The following CCDC6 variants were observed in gnomAD, a reference collection of about 807,000 sequenced individuals.
CCDC6 encodes the protein coiled-coil domain-containing protein 6.
In CCDC6, 20 loss-of-function variants were observed where a neutral mutation model predicts 56.6. The ratio of observed to expected loss-of-function variants is 0.35; its 90% CI spans 0.25 to 0.51. CCDC6 has a LOEUF of 0.51. Among genes scored for constraint, CCDC6 ranks in the 20% least tolerant of loss-of-function variants. The pLI, the probability that CCDC6 is intolerant of heterozygous loss-of-function variation, is 0.95. For missense variants in CCDC6, 367 were observed against 601.1 expected, an observed-to-expected ratio of 0.61 and a Z score of 4.07; for synonymous variants, 241 against 234.4, an observed-to-expected ratio of 1.03 and a Z score of -0.26.
At chr10:59,796,012 A>T (rs1217315706) in intron 7 of CCDC6, among the ~76,000 whole-genome samples, 6 of 152,212 alleles carry the variant, frequency 3.9e-5, no homozygotes, top group Admixed American at 3.9e-4. Flanking sequence ...TGGCTGGGTC[A>T]AATGGTATTT....
intron 3 of CCDC6, among the ~76,000 whole-genome samples, chr10:59,830,814 C>G (rs965971630): frequency 2.6e-5 from 4 of 152,212 alleles, no homozygotes; most frequent in Admixed American, 2.0e-4. Flanking sequence ...CTACCTCCCC[C>G]TTGTGGCCAT....
chr10:59,876,005 A>C (rs2071275563), intron 1 of CCDC6, among the ~76,000 whole-genome samples: 2 of 150,406 alleles, frequency 1.3e-5, no homozygotes, highest in African/African-American at 4.9e-5. Flanking sequence ...AAAAAATCTT[A>C]ATAAATTCGC....
chr10:59,807,029 T>C lies in CCDC6; in HGVS notation c.897A>G (p.Glu299=), dbSNP rs1354247785. 1 of 1,613,930 alleles carries C rather than the reference T, an allele frequency of 6.2e-7. No individual in the cohort carries two copies. Among genetic ancestry groups the C allele is most frequent in the Non-Finnish European group, 8.5e-7 (1 of 1,179,938 alleles). ...QYLEEERHMR[E]ENLRLQRKLQ... is the part of the protein sequence containing the mutation. ...GCTTCCTCTGGAGCCTCAAGTTCTC[T>C]TCTCTCATGTGACGTTCCTCCTCCA... Residue 299 remains glutamate (E), a synonymous_variant, in exon 6 of 9, where the codon GAA becomes GAG. Transcript: ENST00000263102.
intron 5 of CCDC6, among the ~76,000 whole-genome samples, chr10:59,808,245 A>T (rs1158047606): frequency 3.9e-5 from 6 of 152,128 alleles, no homozygotes; most frequent in African/African-American, 1.4e-4. Context: ...CTCTCCCAGG[A>T]ATCTGAAATG....
intron 1 of CCDC6, among the ~76,000 whole-genome samples, chr10:59,874,089 C>T (rs2071256415): frequency 6.7e-6 from 1 of 149,436 alleles, no homozygotes; most frequent in South Asian, 2.1e-4. Context: ...GAAGCGTAGA[C>T]ATTCATTTCC....
At chr10:59,793,196 T>C in intron 8 of CCDC6, 85 bp from the exon 9 acceptor site, 1 of 1,057,294 alleles carries the variant, frequency 9.5e-7, no homozygotes, top group Non-Finnish European at 1.4e-6. Context: ...GCACTGGGGC[T>C]AATCAAACAC....
At chr10:59,805,691 G>A (rs2070615874) in intron 6 of CCDC6, 1 of 152,064 alleles carries the variant, frequency 6.6e-6, no homozygotes, top group East Asian at 1.9e-4. Flanking sequence ...AGTTTTATAA[G>A]GCAAAGTTTT....
chr10:59,806,242 C>T (rs10509112), intron 6 of CCDC6, among the ~76,000 whole-genome samples: 62,460 of 151,976 alleles, frequency 0.41, 12,965 homozygotes, highest in South Asian at 0.45. Flanking sequence ...ACTACCTTAT[C>T]CCGAATTTAG....
In CCDC6 at chr10:59,892,627, G is replaced by A. The variant is rs551738270; in HGVS notation, c.303+13495C>T. On this transcript the variant is annotated intron_variant, in intron 1 of 8. Coordinates refer to ENST00000263102, the MANE Select transcript of CCDC6 (RefSeq NM_005436.5). ...TTTGGAGGACAATAGAAGGGGGTGG[G>A]GAAGTACTAATAATAGTTAATATCA... Among the ~76,000 whole-genome samples, 173 of 152,230 alleles carry A rather than the reference G, an allele frequency of 1.1e-3. 1 individual carries two copies. Among genetic ancestry groups the A allele is most frequent in the African/African-American group, 4.1e-3 (169 of 41,528 alleles).
At chr10:59,854,060 C>G (rs1270619889) in intron 1 of CCDC6, among the ~76,000 whole-genome samples, 1 of 152,092 alleles carries the variant, frequency 6.6e-6, no homozygotes, top group Non-Finnish European at 1.5e-5. Flanking sequence ...TCTGTCAAAT[C>G]AAGGGAGGAA....
At chr10:59,810,647 T>G (rs2070664928) in intron 5 of CCDC6, among the ~76,000 whole-genome samples, 1 of 152,168 alleles carries the variant, frequency 6.6e-6, no homozygotes, top group African/African-American at 2.4e-5. Context: ...ACACACATAG[T>G]AATTAACAAC....
intron 1 of CCDC6, among the ~76,000 whole-genome samples, chr10:59,895,069 A>G (rs1269338526): frequency 2.0e-5 from 3 of 152,172 alleles, no homozygotes; most frequent in Non-Finnish European, 4.4e-5. Context: ...TGGGAGGCCA[A>G]GGTGAAAGGA....
intron 3 of CCDC6, among the ~76,000 whole-genome samples, chr10:59,829,509 G>A (rs1417275597): frequency 1.3e-5 from 2 of 152,016 alleles, no homozygotes; most frequent in Non-Finnish European, 2.9e-5. Context: ...ACTAAAAGAT[G>A]GAAACAACCT....
At chr10:59,900,939 T>C (rs1200001157) in intron 1 of CCDC6, among the ~76,000 whole-genome samples, 1 of 152,040 alleles carries the variant, frequency 6.6e-6, no homozygotes, top group Non-Finnish European at 1.5e-5. Context: ...ATGCCTGTAG[T>C]CCCAGCTAGT....
intron 2 of CCDC6, among the ~76,000 whole-genome samples, chr10:59,838,688 C>T (rs2070907793): frequency 6.6e-6 from 1 of 152,192 alleles, no homozygotes; most frequent in African/African-American, 2.4e-5. Context: ...TCCCATCATG[C>T]CAACCAAACA....
intron 2 of CCDC6, among the ~76,000 whole-genome samples, chr10:59,838,372 G>A (rs552962036): frequency 1.3e-5 from 2 of 152,262 alleles, no homozygotes; most frequent in Non-Finnish European, 2.9e-5. Context: ...CCTAGCACAA[G>A]TCCTATTACT....
At chr10:59,826,741 A>G (rs1362475714) in intron 3 of CCDC6, among the ~76,000 whole-genome samples, 5 of 152,266 alleles carry the variant, frequency 3.3e-5, no homozygotes. Flanking sequence ...AAATATGTCC[A>G]TACCTGAAGA....
At chr10:59,868,597 G>C (rs1014597594) in intron 1 of CCDC6, among the ~76,000 whole-genome samples, 1 of 147,048 alleles carries the variant, frequency 6.8e-6, no homozygotes, top group African/African-American at 2.7e-5. Flanking sequence ...AGGTTGATAG[G>C]GGTTTGGCAT....
At chr10:59,865,525 T>C (rs573413696) in intron 1 of CCDC6, among the ~76,000 whole-genome samples, 36 of 151,948 alleles carry the variant, frequency 2.4e-4, no homozygotes, top group Non-Finnish European at 4.7e-4. Flanking sequence ...TTGATCTCCA[T>C]TTGGAGGTTG....
Sources: gnomAD v4.1 joint callset for allele counts (sites outside exome capture counted in the v4.1 genomes callset) on GRCh38, gnomAD v4.1.1 for gene constraint, MANE v1.5 for transcripts, NCBI Gene and HGNC (gene_info 2026-07-23, HGNC 2026-07-21) for gene names.